LPP: variants seen among roughly 807,000 people sequenced by gnomAD.
LPP encodes lipoma-preferred partner.
A neutral mutation model predicts 60.4 loss-of-function variants in LPP; 38 were observed. The observed-to-expected ratio is 0.63, with a 90% CI of 0.49 to 0.83. LPP has a LOEUF of 0.83. Among genes scored for constraint, LPP ranks in the 40% least tolerant of loss-of-function variants. The pLI is 0.00. For synonymous variants in LPP, 328 were observed against 290.8 expected, an observed-to-expected ratio of 1.13 and a Z score of -1.30; for missense variants, 902 against 783.6, an observed-to-expected ratio of 1.15 and a Z score of -1.80.
intron 6 of LPP, among the ~76,000 whole-genome samples, chr3:188,607,416 T>TAA (rs1275027370): frequency 4.1e-5 from 2 of 48,784 alleles, no homozygotes; most frequent in African/African-American, 1.1e-4. Context: ...TATATATATA[T>TAA]AATTTTTTTT....
intron 8 of LPP, among the ~76,000 whole-genome samples, chr3:188,728,523 A>G (rs538829076): frequency 6.6e-6 from 1 of 152,206 alleles, no homozygotes; most frequent in Admixed American, 6.5e-5. Flanking sequence ...AAGAGATAAT[A>G]AGCTTATTAT....
At chr3:188,257,091 C>A (rs1006864068) in intron 2 of LPP, among the ~76,000 whole-genome samples, 1 of 152,062 alleles carries the variant, frequency 6.6e-6, no homozygotes, top group Non-Finnish European at 1.5e-5. Context: ...ATCATGTGAC[C>A]CCATCTCCAT....
chr3:188,423,380 A>G (rs995441796), intron 4 of LPP, among the ~76,000 whole-genome samples: 3 of 152,166 alleles, frequency 2.0e-5, no homozygotes, highest in African/African-American at 7.2e-5. Flanking sequence ...AATCTTTGCT[A>G]TTGTGAATAG....
intron 8 of LPP, among the ~76,000 whole-genome samples, chr3:188,755,853 A>C (rs1252384579): frequency 3.7e-5 from 4 of 107,822 alleles, no homozygotes; most frequent in African/African-American, 1.4e-4. Flanking sequence ...AAAAAAAAAA[A>C]AAAAAAAAAA....
At chr3:188,192,183 A>C (rs1420962920) in intron 1 of LPP, among the ~76,000 whole-genome samples, 2 of 152,262 alleles carry the variant, frequency 1.3e-5, no homozygotes, top group Non-Finnish European at 2.9e-5. Flanking sequence ...CACAAGGCAC[A>C]GAGGAGGTAG....
At chr3:188,530,148 G>C (rs1821753308) in intron 6 of LPP, among the ~76,000 whole-genome samples, 2 of 128,678 alleles carry the variant, frequency 1.6e-5, no homozygotes, top group Non-Finnish European at 3.5e-5. Flanking sequence ...TGGGATTACT[G>C]CTGAAAAACT....
At chr3:188,214,691 G>A (rs1712795284) in intron 1 of LPP, among the ~76,000 whole-genome samples, 1 of 152,200 alleles carries the variant, frequency 6.6e-6, no homozygotes, top group African/African-American at 2.4e-5. Context: ...GACCAGCTGA[G>A]GCTGGGTGGT....
chr3:188,335,522 T>C (rs1761398695), intron 2 of LPP, among the ~76,000 whole-genome samples: 1 of 152,200 alleles, frequency 6.6e-6, no homozygotes, highest in Non-Finnish European at 1.5e-5. Context: ...TTGTCTGGTT[T>C]TGGTATGAGG....
At chr3:188,391,385 C>T (rs947648413) in intron 3 of LPP, among the ~76,000 whole-genome samples, 2 of 152,180 alleles carry the variant, frequency 1.3e-5, no homozygotes, top group Non-Finnish European at 2.9e-5. Context: ...TGCATAGGCA[C>T]TCAGGATTTA....
At chr3:188,386,317 C>T (rs368993949) in intron 3 of LPP, among the ~76,000 whole-genome samples, 2 of 151,398 alleles carry the variant, frequency 1.3e-5, no homozygotes, top group South Asian at 2.1e-4. Flanking sequence ...CATAATCTCT[C>T]TGCCTTATTA....
At chr3:188,733,033 A>G (rs1278353566) in intron 8 of LPP, among the ~76,000 whole-genome samples, 2 of 151,988 alleles carry the variant, frequency 1.3e-5, no homozygotes, top group African/African-American at 4.8e-5. Flanking sequence ...TCCCATGTGC[A>G]GGTCGAACTC....
intron 2 of LPP, among the ~76,000 whole-genome samples, chr3:188,283,754 T>C (rs1042819401): frequency 6.6e-6 from 1 of 151,996 alleles, no homozygotes; most frequent in Non-Finnish European, 1.5e-5. Flanking sequence ...TAATCATTAT[T>C]AGGAAGGGTT....
At chr3:188,618,383 G>A (rs879556860) in intron 7 of LPP, among the ~76,000 whole-genome samples, 7 of 152,012 alleles carry the variant, frequency 4.6e-5, no homozygotes, top group East Asian at 1.9e-4. Context: ...TAAAATTTAC[G>A]AAACACTCTC....
intron 4 of LPP, among the ~76,000 whole-genome samples, chr3:188,466,072 C>T (rs1034243069): frequency 6.6e-6 from 1 of 152,148 alleles, no homozygotes; most frequent in Non-Finnish European, 1.5e-5. Context: ...ATCCTAGGTA[C>T]TCTCCTTTAG....
At chr3:188,315,521 T>G (rs1005023442) in intron 2 of LPP, among the ~76,000 whole-genome samples, 4 of 152,180 alleles carry the variant, frequency 2.6e-5, no homozygotes, top group Non-Finnish European at 5.9e-5. Flanking sequence ...GATATAAATT[T>G]TCCTGTAAGA....
intron 1 of LPP, among the ~76,000 whole-genome samples, chr3:188,215,596 C>T (rs1209679745): frequency 6.6e-6 from 1 of 152,182 alleles, no homozygotes; most frequent in Non-Finnish European, 1.5e-5. Flanking sequence ...CATGTTGTAG[C>T]ATGGGTCAGA....
intron 6 of LPP, among the ~76,000 whole-genome samples, chr3:188,581,373 G>T (rs2150983253): frequency 6.6e-6 from 1 of 152,282 alleles, no homozygotes; most frequent in South Asian, 2.1e-4. Context: ...CCTGGAAACA[G>T]AACCACAGTG....
At chr3:188,524,939 CCTTCCTTCCTCT>C (rs1820134922) in intron 6 of LPP, 152 bp downstream of exon 6, 4 of 212,636 alleles carry the variant, frequency 1.9e-5, no homozygotes, top group Non-Finnish European at 1.5e-5. Context: ...TTCCTTCCTT[CCTTCCTTCCTCT>C]CTCTCTCTTC....
At chr3:188,204,857 A>G (rs191677840) in intron 1 of LPP, among the ~76,000 whole-genome samples, 2 of 152,344 alleles carry the variant, frequency 1.3e-5, no homozygotes, top group Admixed American at 1.3e-4. Context: ...CATGAGTTTC[A>G]AAGATTTCTG....
Sources: allele counts gnomAD v4.1 joint callset (sites outside exome capture counted in the v4.1 genomes callset), GRCh38; gene constraint gnomAD v4.1.1; transcripts MANE v1.5; gene names NCBI Gene and HGNC (gene_info 2026-07-23, HGNC 2026-07-21).